The following DNAH7 variants were observed in gnomAD, a reference collection of about 807,000 sequenced individuals.
DNAH7 encodes the protein axonemal beta dynein heavy chain 7.
A neutral mutation model predicts 444.6 loss-of-function variants in DNAH7; 397 were observed. That is an observed-to-expected ratio of 0.89 (90% CI 0.82 to 0.97). The LOEUF is 0.97. DNAH7 is among the 50% of genes least tolerant of loss of function. The pLI is 0.00. For synonymous variants in DNAH7, 1,636 were observed against 1,624.4 expected (o/e 1.01, Z -0.17); for missense variants, 4,902 against 4,800.8 (o/e 1.02, Z -0.62).
Position 195,969,939 on chromosome 2 carries a change from G to T in DNAH7, c.2205+9C>A. 3 of 1,593,618 alleles carry T rather than the reference G, an allele frequency of 1.9e-6. No homozygotes were observed. The highest frequency in any genetic ancestry group is 1.2e-5 in the South Asian group (1 of 85,936). ...CTAATTCATCTTTTTAAGAATTTTT[G>T]AATTATACCTTATCTGCAGCTAAAT... On this transcript the variant is annotated intron_variant, in intron 17 of 64. Transcript: ENST00000312428.
At position 195,936,266 on chromosome 2, in the gene DNAH7, C is replaced by T. The variant is rs898660510; in HGVS notation, c.3272+333G>A. On this transcript the variant is annotated intron_variant, in intron 20 of 64. Coordinates refer to ENST00000312428, the MANE Select transcript of DNAH7 (RefSeq NM_018897.3). Reference sequence around the variant, plus strand: ...GCGCACGCCTGTAATCCCAGCTACTCGGGAAGCTGAGGCAGAAGAATCACT... The same window carrying T: ...GCGCACGCCTGTAATCCCAGCTACTTGGGAAGCTGAGGCAGAAGAATCACT... 1.4e-4 allele frequency among the ~76,000 whole-genome samples: 21 copies of T among 152,110 alleles called. 1 individual carries two copies. The South Asian group carries it at 1.9e-3, about 14-fold the overall frequency.
At chr2:195,890,332 G>A (rs376997583) in intron 31 of DNAH7, among the ~76,000 whole-genome samples, 13 of 152,214 alleles carry the variant, frequency 8.5e-5, no homozygotes, top group East Asian at 3.9e-4. Context: ...AAACACTACC[G>A]TGCAATGGCG....
chr2:195,800,245 G>A (rs771702972), intron 54 of DNAH7, among the ~76,000 whole-genome samples: 23 of 152,182 alleles, frequency 1.5e-4, no homozygotes, highest in Non-Finnish European at 2.9e-4. Context: ...TTCAAGGTGA[G>A]CTTTGGTGGG....
chr2:195,890,314 A>G (rs886402130), intron 31 of DNAH7, among the ~76,000 whole-genome samples: 1 of 152,088 alleles, frequency 6.6e-6, no homozygotes, highest in Admixed American at 6.5e-5. Flanking sequence ...GTTATGCATC[A>G]CTTTGGGAAA....
chr2:196,019,913 G>A (rs901132411), intron 8 of DNAH7, among the ~76,000 whole-genome samples: 9 of 151,440 alleles, frequency 5.9e-5, no homozygotes, highest in African/African-American at 1.9e-4. Context: ...CCCACTCCCC[G>A]CACAGCAAGA....
chr2:196,064,505 A>G (rs1004670214), intron 1 of DNAH7, among the ~76,000 whole-genome samples: 1 of 152,140 alleles, frequency 6.6e-6, no homozygotes, highest in African/African-American at 2.4e-5. Flanking sequence ...AAATTAGGAA[A>G]TATTTCAAAC....
At chr2:195,921,905 G>A (rs1013246843) in intron 24 of DNAH7, among the ~76,000 whole-genome samples, 183 bp downstream of exon 24, 1 of 152,186 alleles carries the variant, frequency 6.6e-6, no homozygotes. Flanking sequence ...CTAGTATTGA[G>A]AGGAGGAAGC....
In DNAH7 at chr2:195,766,167, A is replaced by ATTTTTTTTTTTTTTTTT. The variant is rs755912873; in HGVS notation, c.11433+5476_11433+5492dup. ...GTTCTCGTTTAATTTGTGGGAGCTAATTTTTTTTTTTTTTTTTTTTTTTTG... is the reference window on the plus strand; with the variant it reads ...GTTCTCGTTTAATTTGTGGGAGCTAATTTTTTTTTTTTTTTTTTTTTTTTTTTTTTTTTTTTTTTTTG... On this transcript the variant is annotated intron_variant, in intron 61 of 64. Transcript: ENST00000312428. 4.4e-4 allele frequency among the ~76,000 whole-genome samples: 25 copies of ATTTTTTTTTTTTTTTTT among 57,334 alleles called. 3 individuals carry two copies. The highest frequency in any genetic ancestry group is 1.3e-3 in the East Asian group (3 of 2,294). The allele number at this position is 57,334 out of a possible 152,430, so 37.6% of individuals were successfully genotyped here. A position where few individuals can be genotyped will look rare whatever the true frequency, so the allele number is the denominator to read the frequency against.
chr2:196,031,678 G>A (rs1696067538), intron 5 of DNAH7, among the ~76,000 whole-genome samples: 2 of 152,208 alleles, frequency 1.3e-5, no homozygotes, highest in South Asian at 2.1e-4. Flanking sequence ...TAGGGCAGGG[G>A]CAAAATGCCA....
chr2:195,984,238 G>C (rs977105351), intron 15 of DNAH7, among the ~76,000 whole-genome samples: 16 of 152,112 alleles, frequency 1.1e-4, no homozygotes, highest in Admixed American at 6.5e-4. Context: ...GACCCAACAG[G>C]GTGACCCCAT....
intron 5 of DNAH7, among the ~76,000 whole-genome samples, chr2:196,034,889 TA>T (rs1214629506): frequency 6.6e-6 from 1 of 152,118 alleles, no homozygotes; most frequent in Non-Finnish European, 1.5e-5. Flanking sequence ...AAATTATTTT[TA>T]AAAACCTAGG....
At chr2:196,022,457 C>A (rs750673436) in intron 8 of DNAH7, among the ~76,000 whole-genome samples, 3 of 152,202 alleles carry the variant, frequency 2.0e-5, no homozygotes, top group Admixed American at 1.3e-4. Flanking sequence ...TATTCTAAAT[C>A]CTTTGTTGTC....
intron 8 of DNAH7, among the ~76,000 whole-genome samples, chr2:196,023,965 C>T (rs1695530449): frequency 1.3e-5 from 2 of 152,130 alleles, no homozygotes; most frequent in Non-Finnish European, 2.9e-5. Flanking sequence ...TCAGAACACA[C>T]ACAACATTTA....
intron 61 of DNAH7, among the ~76,000 whole-genome samples, chr2:195,759,171 G>C (rs1694225310): frequency 6.6e-6 from 1 of 152,178 alleles, no homozygotes; most frequent in African/African-American, 2.4e-5. Context: ...GAAGAGTAAA[G>C]AGGACTTTGT....
chr2:195,791,501 T>C (rs1287048993), intron 57 of DNAH7, among the ~76,000 whole-genome samples: 1 of 151,864 alleles, frequency 6.6e-6, no homozygotes, highest in Non-Finnish European at 1.5e-5. Flanking sequence ...AGTTTGGAGA[T>C]TTCTTAAATA....
chr2:196,042,253 G>A (rs1004130173), intron 5 of DNAH7, among the ~76,000 whole-genome samples: 4 of 151,762 alleles, frequency 2.6e-5, no homozygotes, highest in Non-Finnish European at 4.4e-5. Context: ...GTATATATTC[G>A]AAATAAAGAA....
intron 64 of DNAH7, among the ~76,000 whole-genome samples, chr2:195,739,569 A>G (rs1692865704): frequency 1.3e-5 from 2 of 152,210 alleles, no homozygotes; most frequent in South Asian, 4.1e-4. Flanking sequence ...GGCTTTTTAA[A>G]TTGATGGTTT....
intron 7 of DNAH7, among the ~76,000 whole-genome samples, chr2:196,026,264 G>A (rs1397923354): frequency 6.6e-6 from 1 of 152,170 alleles, no homozygotes; most frequent in Non-Finnish European, 1.5e-5. Flanking sequence ...GCTATAGTTT[G>A]TCAACCTTTG....
At chr2:195,908,724 T>C (rs1283029343) in intron 25 of DNAH7, among the ~76,000 whole-genome samples, 4 of 152,154 alleles carry the variant, frequency 2.6e-5, no homozygotes, top group East Asian at 3.8e-4. Flanking sequence ...ATTGGGAATA[T>C]TGCTCATTTC....
Sources: gnomAD v4.1 joint callset for allele counts (sites outside exome capture counted in the v4.1 genomes callset) on GRCh38, gnomAD v4.1.1 for gene constraint, MANE v1.5 for transcripts, NCBI Gene and HGNC (gene_info 2026-07-23, HGNC 2026-07-21) for gene names.